The following SPMIP3 variants were observed in gnomAD, a reference collection of about 807,000 sequenced individuals.
The protein encoded by SPMIP3 is sperm microtubule inner protein 3.
the SPMIP3 span, among the ~76,000 whole-genome samples, chr1:244,386,003 AACACACACACACACACAC>A: frequency 2.1e-5 from 3 of 145,646 alleles, no homozygotes; most frequent in Non-Finnish European, 3.0e-5. Context: ...ATCTCTACAA[AACACACACACACACACAC>A]ACACACACAC....
the SPMIP3 span, among the ~76,000 whole-genome samples, chr1:244,380,418 C>T: frequency 6.6e-6 from 1 of 152,128 alleles, no homozygotes. Context: ...CTGCACCTGG[C>T]CAACAGACTT....
the SPMIP3 span, chr1:244,375,108 AT>A: frequency 4.1e-6 from 1 of 241,016 alleles, no homozygotes; most frequent in African/African-American, 2.2e-5. Context: ...AATCCTGAAC[AT>A]AAATAACATT....
chr1:244,360,554 A>ATGGAATATTATT, the SPMIP3 span, among the ~76,000 whole-genome samples: 2 of 70,046 alleles, frequency 2.9e-5, no homozygotes, highest in African/African-American at 7.0e-5. Flanking sequence ...ACACACACAC[A>ATGGAATATTATT]CACATGCATG....
At chr1:244,381,819 T>C in the SPMIP3 span, among the ~76,000 whole-genome samples, 1 of 152,160 alleles carries the variant, frequency 6.6e-6, no homozygotes, top group South Asian at 2.1e-4. Flanking sequence ...TAATCCCAGC[T>C]ACCTGGGAGG....
At chr1:244,383,159 T>C in the SPMIP3 span, among the ~76,000 whole-genome samples, 1 of 152,164 alleles carries the variant, frequency 6.6e-6, no homozygotes, top group African/African-American at 2.4e-5. Context: ...TAAGTGCCAG[T>C]CAATGTGACA....
the SPMIP3 span, among the ~76,000 whole-genome samples, chr1:244,381,770 AAAATACAAAAATT>A: frequency 6.6e-6 from 1 of 152,206 alleles, no homozygotes; most frequent in Non-Finnish European, 1.5e-5. Flanking sequence ...ATCTCTACTA[AAAATACAAAAATT>A]AGCTGGGTGT....
At chr1:244,366,979 T>C in the SPMIP3 span, among the ~76,000 whole-genome samples, 1 of 151,952 alleles carries the variant, frequency 6.6e-6, no homozygotes, top group Admixed American at 6.6e-5. Flanking sequence ...GGTGGAGAGG[T>C]AGGCAGAAGG....
the SPMIP3 span, chr1:244,375,373 A>G: frequency 6.2e-7 from 1 of 1,612,382 alleles, no homozygotes; most frequent in Non-Finnish European, 8.5e-7. Flanking sequence ...CTGCTCTAGT[A>G]TATTCATCGC....
chr1:244,387,582 C>A, the SPMIP3 span, among the ~76,000 whole-genome samples: 5 of 152,116 alleles, frequency 3.3e-5, no homozygotes, highest in Non-Finnish European at 5.9e-5. Flanking sequence ...GGCTGTGTGG[C>A]CCTGGGCAAT....
At chr1:244,363,543 G>A in the SPMIP3 span, among the ~76,000 whole-genome samples, 1 of 152,196 alleles carries the variant, frequency 6.6e-6, no homozygotes, top group Admixed American at 6.5e-5. Context: ...CAGAAGGGCT[G>A]GAAGAACAGG....
the SPMIP3 span, chr1:244,388,929 C>T: frequency 1.3e-6 from 2 of 1,580,526 alleles, no homozygotes; most frequent in Non-Finnish European, 1.7e-6. Context: ...TAAATAAATC[C>T]TTAATTTGTT....
the SPMIP3 span, among the ~76,000 whole-genome samples, chr1:244,370,822 CTTGT>C: frequency 6.6e-6 from 1 of 152,192 alleles, no homozygotes; most frequent in Admixed American, 6.5e-5. Context: ...CTGGCATTTA[CTTGT>C]TTAAGTGGAC....
chr1:244,389,215 T>C, the SPMIP3 span: 3 of 632,678 alleles, frequency 4.7e-6, no homozygotes, highest in African/African-American at 5.5e-5. Flanking sequence ...TCTTTGCAGA[T>C]TAAGTTGGTC....
the SPMIP3 span, among the ~76,000 whole-genome samples, chr1:244,365,117 A>G: frequency 6.6e-6 from 1 of 152,236 alleles, no homozygotes; most frequent in African/African-American, 2.4e-5. Context: ...AGAGTGATAC[A>G]GAAGGGATAT....
chr1:244,379,139 G>A, the SPMIP3 span, among the ~76,000 whole-genome samples: 3 of 151,446 alleles, frequency 2.0e-5, no homozygotes, highest in Non-Finnish European at 2.9e-5. Context: ...CATGTTGGCC[G>A]GGATGGTCTC....
the SPMIP3 span, among the ~76,000 whole-genome samples, chr1:244,365,312 G>T: frequency 2.6e-5 from 4 of 152,186 alleles, 1 homozygote; most frequent in African/African-American, 9.7e-5. Flanking sequence ...ATTCCTACGT[G>T]TCGTGGGAGG....
the SPMIP3 span, among the ~76,000 whole-genome samples, chr1:244,376,189 C>T: frequency 6.6e-6 from 1 of 152,164 alleles, no homozygotes; most frequent in Non-Finnish European, 1.5e-5. Context: ...CAGTACCCCA[C>T]GAGCACGGTC....
the SPMIP3 span, among the ~76,000 whole-genome samples, chr1:244,363,719 C>A: frequency 6.6e-6 from 1 of 152,230 alleles, no homozygotes; most frequent in Non-Finnish European, 1.5e-5. Flanking sequence ...GGAATTTGAA[C>A]CCTGGGACAC....
At chr1:244,378,803 G>A in the SPMIP3 span, among the ~76,000 whole-genome samples, 1 of 152,028 alleles carries the variant, frequency 6.6e-6, no homozygotes, top group Admixed American at 6.6e-5. Context: ...AGAATTTAGG[G>A]GGCTTCCCAA....
Sources: allele counts gnomAD v4.1 joint callset (sites outside exome capture counted in the v4.1 genomes callset), GRCh38; gene constraint gnomAD v4.1.1; transcripts MANE v1.5; gene names NCBI Gene and HGNC (gene_info 2026-07-23, HGNC 2026-07-21).